ATP2A2: variants seen among roughly 807,000 people sequenced by gnomAD.
ATP2A2 encodes sarcoplasmic/endoplasmic reticulum calcium ATPase 2.
A neutral mutation model predicts 109.3 loss-of-function variants in ATP2A2; 14 were observed. The observed-to-expected ratio is 0.13, with a 90% confidence interval of 0.08 to 0.20. The LOEUF (loss-of-function observed/expected upper bound fraction) is 0.20, where lower values mean the gene tolerates loss of function less well. ATP2A2 is among the 10% of genes least tolerant of loss of function. The probability of loss-of-function intolerance (pLI) is 1.00; values close to 1 mark genes in which losing one functional copy is unlikely to be tolerated. For missense variants in ATP2A2, 657 were observed against 1,321.6 expected (o/e 0.50, Z 7.80); for synonymous variants, 506 against 490.9 (o/e 1.03, Z -0.41).
intron 8 of ATP2A2, among the ~76,000 whole-genome samples, chr12:110,328,781 T>A (rs1167525889): frequency 6.6e-6 from 1 of 152,130 alleles, no homozygotes; most frequent in East Asian, 1.9e-4. Flanking sequence ...GTCACCAGGC[T>A]GGTCTTGAAT....
intron 5 of ATP2A2, among the ~76,000 whole-genome samples, chr12:110,318,246 A>G (rs1285333020): frequency 2.0e-5 from 3 of 152,074 alleles, no homozygotes; most frequent in Non-Finnish European, 1.5e-5. Context: ...GAACCTTTTA[A>G]CTCTAAGAAC....
Position 110,347,147 on chromosome 12 carries a change from A to G in ATP2A2, c.*677A>G. The G allele has an allele frequency of 8.4e-7, 1 of 1,184,272 alleles. No homozygotes were observed. Among genetic ancestry groups the G allele is most frequent in the Non-Finnish European group, 1.1e-6 (1 of 940,574 alleles). The allele number at this position is 1,184,272 out of a possible 1,614,324, so 73.4% of individuals were successfully genotyped here. A position where few individuals can be genotyped will look rare whatever the true frequency, so the allele number is the denominator to read the frequency against. ...ATGCCTGTACTCGCTTGTGCAGAAA[A>G]CATTGTTCCAGATTCAATCGACTGG... On this transcript the variant is annotated 3_prime_UTR_variant, in exon 20 of 20. Transcript: ENST00000539276.
rs555616619 is a variant in ATP2A2, at chr12:110,321,995, C to CT, written c.464-986dup. ...TTTATTATTCATTTAATTGATATTT[C>CT]TTTTTTTTTTTATGAGACGGAGTCT... On this transcript the variant is annotated intron_variant, in intron 5 of 19. Coordinates refer to ENST00000539276, the MANE Select transcript of ATP2A2 (RefSeq NM_170665.4). 8.7e-3 allele frequency among the ~76,000 whole-genome samples: 1,275 copies of CT among 147,250 alleles called. 1 individual carries two copies. Among genetic ancestry groups the CT allele is most frequent in the Non-Finnish European group, 0.01 (669 of 66,276 alleles).
chr12:110,294,457 C>T (rs576253212), intron 4 of ATP2A2, among the ~76,000 whole-genome samples: 2 of 151,914 alleles, frequency 1.3e-5, no homozygotes, highest in Admixed American at 6.6e-5. Context: ...GTCAGGAGGT[C>T]GAGACCAGCC....
rs1026821732 is a variant in ATP2A2, at chr12:110,282,118, C to T, written c.118+211C>T. Reference sequence around the variant, plus strand: ...ACCTCTTCGCTTCTCGGGCCCTCGACCTTTTCGGCGCGCAAGGCTCGGAGG... The same window carrying T: ...ACCTCTTCGCTTCTCGGGCCCTCGATCTTTTCGGCGCGCAAGGCTCGGAGG... On this transcript the variant is annotated intron_variant, in intron 1 of 19. Transcript: ENST00000539276. 3.3e-5 allele frequency among the ~76,000 whole-genome samples: 5 copies of T among 152,274 alleles called. No homozygotes were observed. In the East Asian group the frequency reaches 9.7e-4, roughly 29 times the overall value.
At chr12:110,318,752 G>T (rs1876931254) in intron 5 of ATP2A2, among the ~76,000 whole-genome samples, 1 of 152,148 alleles carries the variant, frequency 6.6e-6, no homozygotes, top group Non-Finnish European at 1.5e-5. Flanking sequence ...GGGATTACAG[G>T]CATAAGCCAC....
chr12:110,348,290 C>G lies in ATP2A2; in HGVS notation c.*1820C>G, dbSNP rs1880075745. Reference sequence around the variant, plus strand: ...CCACCCCCCCTTGCTTGGTCTTGTCCTTGGTGGCTAAGACTTAGCTCTGCA... The same window carrying G: ...CCACCCCCCCTTGCTTGGTCTTGTCGTTGGTGGCTAAGACTTAGCTCTGCA... On this transcript the variant is annotated 3_prime_UTR_variant, in exon 20 of 20. Transcript: ENST00000539276. 1 of 985,000 alleles carries G rather than the reference C, an allele frequency of 1.0e-6. No individual in the cohort carries two copies. The highest frequency in any genetic ancestry group is 1.2e-6 in the Non-Finnish European group (1 of 829,934). 61.0% of individuals were successfully genotyped at this position (985,000 alleles called of 1,614,324 possible).
chr12:110,282,857 C>A, intron 3 of ATP2A2, 62 bp downstream of exon 3: 1 of 1,385,084 alleles, frequency 7.2e-7, no homozygotes, highest in Non-Finnish European at 1.0e-6. Context: ...ATAGATAAAT[C>A]AGAAAACAAA....
In ATP2A2 at chr12:110,349,138, T is replaced by C; in HGVS notation, c.*2668T>C. ...GAGTGGGTTAGGCCCACTGCTGTTT[T>C]GAGCAGGGCCACTTGCTCCATTTCA... On this transcript the variant is annotated 3_prime_UTR_variant, in exon 20 of 20. Coordinates refer to ENST00000539276, the MANE Select transcript of ATP2A2 (RefSeq NM_170665.4). 1 of 985,524 alleles carries C rather than the reference T, an allele frequency of 1.0e-6. No homozygotes were observed. Among genetic ancestry groups the C allele is most frequent in the Non-Finnish European group, 1.2e-6 (1 of 829,988 alleles). The allele number at this position is 985,524 out of a possible 1,614,324, so 61.0% of individuals were successfully genotyped here.
At chr12:110,302,993 C>T (rs1874847995) in intron 5 of ATP2A2, among the ~76,000 whole-genome samples, 1 of 152,154 alleles carries the variant, frequency 6.6e-6, no homozygotes, top group African/African-American at 2.4e-5. Flanking sequence ...CTGAGTAATG[C>T]AGAACAGACA....
chr12:110,306,233 G>T (rs922800850), intron 5 of ATP2A2, among the ~76,000 whole-genome samples: 1 of 152,190 alleles, frequency 6.6e-6, no homozygotes, highest in Non-Finnish European at 1.5e-5. Flanking sequence ...TAGAGACAGG[G>T]TTTCACCATG....
At position 110,350,933 on chromosome 12, in the gene ATP2A2, A is replaced by G. The variant is rs775478812; in HGVS notation, c.*4463A>G. 2.1e-4 allele frequency: 32 copies of G among 153,510 alleles called. No homozygotes were observed. The highest frequency in any genetic ancestry group is 3.9e-4 in the Admixed American group (6 of 15,528). The allele number at this position is 153,510 out of a possible 1,614,324, so 9.5% of individuals were successfully genotyped here. On this transcript the variant is annotated 3_prime_UTR_variant, in exon 20 of 20. Coordinates refer to ENST00000539276, the MANE Select transcript of ATP2A2 (RefSeq NM_170665.4). Reference sequence around the variant, plus strand: ...AGACAGATGTTGGTGCAATACAAATATTGTGATGCATTTATCTTAATAAAA... The same window carrying G: ...AGACAGATGTTGGTGCAATACAAATGTTGTGATGCATTTATCTTAATAAAA...
Position 110,348,079 on chromosome 12 carries a change from C to G in ATP2A2, c.*1609C>G, listed in dbSNP as rs955718575. 4.1e-6 allele frequency: 4 copies of G among 986,216 alleles called. No homozygotes were observed. The highest frequency in any genetic ancestry group is 4.8e-6 in the Non-Finnish European group (4 of 830,606). 61.1% of individuals were successfully genotyped at this position (986,216 alleles called of 1,614,324 possible). On this transcript the variant is annotated 3_prime_UTR_variant, in exon 20 of 20. Coordinates refer to ENST00000539276, the MANE Select transcript of ATP2A2 (RefSeq NM_170665.4). ...CGGAGTGGGGAGAGAGGCATTTCAG[C>G]CAGACCAACAGGCTGAAGGAGCTGT...
chr12:110,297,434 CAA>C (rs5800888), intron 5 of ATP2A2, among the ~76,000 whole-genome samples: 1,110 of 62,874 alleles, frequency 0.018, 2 homozygotes, highest in Non-Finnish European at 0.022. Context: ...GACTTCATCT[CAA>C]AAAAAAAAAA....
At position 110,344,974 on chromosome 12, in the gene ATP2A2, ACT is replaced by A; in HGVS notation, c.2607+5_2607+6del. On this transcript the variant is annotated splice_donor_5th_base_variant and intron_variant, in intron 17 of 19. Transcript: ENST00000539276. ...CAAGAGTGTCCTTCTACCAGCTGGT[ACT>A]CAGTCACCTTTCTTTCTGTACCTTA... The A allele has an allele frequency of 6.2e-7, 1 of 1,613,748 alleles. No homozygotes were observed. Among genetic ancestry groups the A allele is most frequent in the Non-Finnish European group, 8.5e-7 (1 of 1,179,750 alleles).
Position 110,281,556 on chromosome 12 carries a change from T to G in ATP2A2, c.-234T>G. 7.5e-6 allele frequency: 2 copies of G among 265,796 alleles called. No homozygotes were observed. The highest frequency in any genetic ancestry group is 1.0e-4 in the South Asian group (1 of 9,750). The allele number at this position is 265,796 out of a possible 1,614,324, so 16.5% of individuals were successfully genotyped here. A position where few individuals can be genotyped will look rare whatever the true frequency, so the allele number is the denominator to read the frequency against. On this transcript the variant is annotated 5_prime_UTR_variant, in exon 1 of 20. Transcript: ENST00000539276. ...TTCTGGCGAGGGGAGGGAGGGTGGGTCAGGAGCCCCCAACCCGCCCTGCGG... is the reference window on the plus strand; with the variant it reads ...TTCTGGCGAGGGGAGGGAGGGTGGGGCAGGAGCCCCCAACCCGCCCTGCGG...
chr12:110,307,372 T>C (rs1875476326), intron 5 of ATP2A2, among the ~76,000 whole-genome samples: 1 of 151,936 alleles, frequency 6.6e-6, no homozygotes, highest in Non-Finnish European at 1.5e-5. Context: ...GCTGGGACTG[T>C]AGGCACACAC....
At chr12:110,290,026 A>G (rs1467514835) in intron 3 of ATP2A2, among the ~76,000 whole-genome samples, 1 of 152,228 alleles carries the variant, frequency 6.6e-6, no homozygotes, top group African/African-American at 2.4e-5. Flanking sequence ...TTCTTGGGGC[A>G]GTGTTCTGTG....
intron 5 of ATP2A2, among the ~76,000 whole-genome samples, chr12:110,308,964 G>C (rs1875680632): frequency 6.6e-6 from 1 of 151,962 alleles, no homozygotes. Context: ...TTTGCAGAAA[G>C]GAACAGACCT....
Sources: gnomAD v4.1 joint callset for allele counts (sites outside exome capture counted in the v4.1 genomes callset) on GRCh38, gnomAD v4.1.1 for gene constraint, MANE v1.5 for transcripts, NCBI Gene and HGNC (gene_info 2026-07-23, HGNC 2026-07-21) for gene names.